KRT32: variants seen among roughly 807,000 people sequenced by gnomAD.
KRT32 encodes keratin 32.
In KRT32, 44 loss-of-function variants were observed where a neutral mutation model predicts 41.8. That is an observed-to-expected ratio of 1.05 (90% CI 0.83 to 1.35). The LOEUF is 1.35. Ranked by LOEUF, KRT32 falls within the 40% of genes most tolerant of loss-of-function variation. The pLI is 0.00. For synonymous variants in KRT32, 238 were observed against 242.5 expected, an observed-to-expected ratio of 0.98 and a Z score of 0.17; for missense variants, 576 against 584.6, an observed-to-expected ratio of 0.99 and a Z score of 0.15.
intron 6 of KRT32, among the ~76,000 whole-genome samples, chr17:41,460,633 A>C (rs908204723): frequency 1.3e-5 from 2 of 152,172 alleles, no homozygotes; most frequent in African/African-American, 4.8e-5. Flanking sequence ...CTCACTCATA[A>C]GTGAGAGTTG....
rs751950109 is a variant in KRT32, at chr17:41,467,196, T to C, written c.130A>G (p.Met44Val). The C allele has an allele frequency of 2.5e-6, 4 of 1,613,882 alleles. No homozygotes were observed. Among genetic ancestry groups the C allele is most frequent in the Non-Finnish European group, 3.4e-6 (4 of 1,179,990 alleles). Residue 44 changes from methionine (M) to valine (V), a missense_variant, in exon 1 of 7, where the codon ATG (methionine) becomes GTG (valine). Transcript: ENST00000225899. ...AGGCAGACCGAAGGCAGGCATGCCATGGGCTGGCAGACATAGCCCAGGCAC... is the reference window on the plus strand; with the variant it reads ...AGGCAGACCGAAGGCAGGCATGCCACGGGCTGGCAGACATAGCCCAGGCAC... ...ELCLGYVCQPMACLPSVCLPT... is the reference protein window; with the variant it reads ...ELCLGYVCQPVACLPSVCLPT...
In KRT32 at chr17:41,466,748, A is replaced by G. The variant is rs146289562; in HGVS notation, c.468+110T>C. 313 of 742,670 alleles carry G rather than the reference A, an allele frequency of 4.2e-4. 1 individual carries two copies. Among genetic ancestry groups the G allele is most frequent in the African/African-American group, 3.9e-3 (221 of 56,742 alleles). The allele number at this position is 742,670 out of a possible 1,614,324, so 46.0% of individuals were successfully genotyped here. On this transcript the variant is annotated intron_variant, in intron 1 of 6. Transcript: ENST00000225899. ...ATAAAATAACCCTATGCCCTAGGGA[A>G]GTCTCTTTGTCCTGAACATAGCTTA...
In KRT32 at chr17:41,466,129, A is replaced by G. The variant is rs1488608743; in HGVS notation, c.516T>C (p.Asp172=). ...AENARMVVNI[D]NAKLAADDFR... is the part of the protein sequence containing the mutation. ...AGTCATCGGCAGCCAGTTTGGCATT[A>G]TCAATGTTCACAACCATCCTGGCAT... Residue 172 remains aspartate, a synonymous_variant, in exon 2 of 7, where the codon GAT becomes GAC. Transcript: ENST00000225899. 6.2e-7 allele frequency: 1 copy of G among 1,614,066 alleles called. No homozygotes were observed. The highest frequency in any genetic ancestry group is 8.5e-7 in the Non-Finnish European group (1 of 1,180,042).
chr17:41,464,543 T>C (rs2019046821), intron 3 of KRT32, 100 bp from the exon 4 acceptor site: 12 of 1,204,328 alleles, frequency 1.0e-5, no homozygotes, highest in Non-Finnish European at 1.3e-5. Context: ...TTGCTAAAGA[T>C]TGAAACATTA....
chr17:41,460,957 G>A (rs2045217), intron 6 of KRT32, among the ~76,000 whole-genome samples: 108,266 of 152,006 alleles, frequency 0.71, 38,734 homozygotes, highest in East Asian at 0.89. Context: ...TAGCTCCATT[G>A]CTCTGGGAGC....
Position 41,462,941 on chromosome 17 carries a change from C to T in KRT32, c.1106G>A (p.Arg369Gln), listed in dbSNP as rs11078993. 104,427 of 1,614,086 alleles carry T rather than the reference C, an allele frequency of 0.065. 5,791 individuals carry two copies. The highest frequency in any genetic ancestry group is 0.24 in the Admixed American group (14,628 of 60,022). Residue 369 changes from arginine (R) to glutamine (Q), a missense_variant, in exon 6 of 7, where the codon CGG becomes CAG. Coordinates refer to ENST00000225899, the MANE Select transcript of KRT32 (RefSeq NM_002278.3). ...CTGGTTCTGCCGCTCCAGGTCAGCC[C>T]GGATCTCAGCCAGCTGGGCCTCAAC... ...TNVEAQLAEI[R>Q]ADLERQNQEY...
chr17:41,461,802 T>C (rs2857247), intron 6 of KRT32, among the ~76,000 whole-genome samples: 108,680 of 152,232 alleles, frequency 0.71, 38,969 homozygotes, highest in East Asian at 0.89. Flanking sequence ...GGAGAAGCAA[T>C]GCCAAATGCG....
In KRT32 at chr17:41,460,022, A is replaced by T. The variant is rs72830035; in HGVS notation, c.*88T>A. The T allele has an allele frequency of 0.098, 136,179 of 1,391,686 alleles. 7,196 individuals are homozygous for T. The highest frequency in any genetic ancestry group is 0.11 in the Non-Finnish European group (115,496 of 1,043,694). The allele number at this position is 1,391,686 out of a possible 1,614,324, so 86.2% of individuals were successfully genotyped here. On this transcript the variant is annotated 3_prime_UTR_variant, in exon 7 of 7. Transcript: ENST00000225899. ...GTCCTGCTCAGGGTCTTCCTTGCTG[A>T]CCGGGGCTGGCCCTGCTCTTCTGGT...
chr17:41,465,413 C>A (rs1373505451), intron 3 of KRT32, among the ~76,000 whole-genome samples: 4 of 146,196 alleles, frequency 2.7e-5, no homozygotes, highest in African/African-American at 1.1e-4. Context: ...GTGTGGCTCT[C>A]GAGAGAAAAA....
intron 5 of KRT32, 27 bp downstream of exon 5, chr17:41,464,051 G>T: frequency 6.5e-7 from 1 of 1,547,458 alleles, no homozygotes; most frequent in Non-Finnish European, 8.7e-7. Context: ...GATCCGGAGG[G>T]ATGGGTGCCC....
At position 41,466,990 on chromosome 17, in the gene KRT32, C is replaced by G. The variant is rs141664872; in HGVS notation, c.336G>C (p.Thr112=). ...FLNDRLASYL[T]RVRQLEQENA... is the part of the protein sequence containing the mutation. ...TCTCCTGCTCCAGCTGCCGCACCCTCGTCAGGTAGCTGGCCAGGCGGTCGT... is the reference window on the plus strand; with the variant it reads ...TCTCCTGCTCCAGCTGCCGCACCCTGGTCAGGTAGCTGGCCAGGCGGTCGT... The change falls in exon 1 of 7, where the codon ACG becomes ACC. Residue 112 remains threonine, a synonymous_variant. Transcript: ENST00000225899. The G allele has an allele frequency of 5.6e-6, 9 of 1,614,120 alleles. No homozygotes were observed. The Admixed American group carries it at 1.3e-4, about 24-fold the overall frequency.
chr17:41,464,231 A>G, intron 4 of KRT32, 28 bp from the exon 5 acceptor site: 1 of 1,591,502 alleles, frequency 6.3e-7, no homozygotes, highest in South Asian at 1.1e-5. Flanking sequence ...AGAAGGCTAG[A>G]GTCCCTTCCT....
In KRT32 at chr17:41,464,456, A is replaced by G; in HGVS notation, c.709-13T>C. ...GGGAACCGACTTCCTGAAAAGGCAC[A>G]AGACCTCCAGAAAAATGTGACAATG... On this transcript the variant is annotated splice_polypyrimidine_tract_variant and intron_variant, in intron 3 of 6. Coordinates refer to ENST00000225899, the MANE Select transcript of KRT32 (RefSeq NM_002278.3). 3 of 1,531,264 alleles carry G rather than the reference A, an allele frequency of 2.0e-6. No homozygotes were observed. The African/African-American group carries it at 4.2e-5, about 21-fold the overall frequency. The allele number at this position is 1,531,264 out of a possible 1,614,324, so 94.9% of individuals were successfully genotyped here.
chr17:41,463,345 G>C (rs16966954), intron 5 of KRT32, among the ~76,000 whole-genome samples: 11,527 of 152,216 alleles, frequency 0.076, 660 homozygotes, highest in East Asian at 0.22. Flanking sequence ...CTCCCTGCCG[G>C]CATCATTTAG....
chr17:41,466,260 G>A lies in KRT32; in HGVS notation c.469-84C>T, dbSNP rs560137085. ...CAAATGAAGAGAAGACAGCAGCAAA[G>A]GTAGGATCCAGCAGCCCTGCAGCCA... On this transcript the variant is annotated intron_variant, in intron 1 of 6. Transcript: ENST00000225899. 4.3e-5 allele frequency: 50 copies of A among 1,157,068 alleles called. 1 individual carries two copies. The South Asian group carries it at 6.1e-4, about 14-fold the overall frequency. The allele number at this position is 1,157,068 out of a possible 1,614,324, so 71.7% of individuals were successfully genotyped here.
intron 5 of KRT32, 106 bp from the exon 6 acceptor site, chr17:41,463,156 C>T (rs2019024472): frequency 1.0e-6 from 1 of 1,000,944 alleles, no homozygotes; most frequent in Admixed American, 2.7e-5. Context: ...GGAAATGAGC[C>T]CTCCCTACAC....
At chr17:41,463,151 T>A in intron 5 of KRT32, 101 bp from the exon 6 acceptor site, 1 of 1,120,112 alleles carries the variant, frequency 8.9e-7, no homozygotes, top group Non-Finnish European at 1.3e-6. Context: ...ATGCTGGAAA[T>A]GAGCCCTCCC....
chr17:41,465,349 G>C (rs188742612), intron 3 of KRT32, among the ~76,000 whole-genome samples: 1 of 152,080 alleles, frequency 6.6e-6, no homozygotes, highest in South Asian at 2.1e-4. Context: ...GCCATTCAAC[G>C]TGAGATCTGG....
intron 5 of KRT32, among the ~76,000 whole-genome samples, chr17:41,463,856 T>C (rs1488183011): frequency 4.6e-5 from 7 of 152,262 alleles, no homozygotes; most frequent in Non-Finnish European, 7.4e-5. Context: ...TCTTGTGGAG[T>C]TGAGTTTGAC....
Sources: gnomAD v4.1 joint callset for allele counts (sites outside exome capture counted in the v4.1 genomes callset) on GRCh38, gnomAD v4.1.1 for gene constraint, MANE v1.5 for transcripts, NCBI Gene and HGNC (gene_info 2026-07-23, HGNC 2026-07-21) for gene names.